The following TRPV3 variants were observed in gnomAD, a reference collection of about 807,000 sequenced individuals.
TRPV3 encodes the protein transient receptor potential cation channel subfamily V member 3.
TRPV3 carries 88 observed loss-of-function variants against 87.1 expected under a neutral mutation model. That is an observed-to-expected ratio of 1.01 (90% CI 0.85 to 1.21). The LOEUF (loss-of-function observed/expected upper bound fraction) is 1.21, where lower values mean the gene tolerates loss of function less well. TRPV3 is among the 50% of genes most tolerant of loss of function. The pLI is 0.00. For missense variants in TRPV3, 1,054 were observed against 1,030.1 expected (o/e 1.02, Z -0.32); for synonymous variants, 438 against 423.3 (o/e 1.03, Z -0.43).
chr17:3,550,496 CCTT>C (rs1426984949), intron 2 of TRPV3, among the ~76,000 whole-genome samples: 11 of 151,392 alleles, frequency 7.3e-5, no homozygotes, highest in East Asian at 3.9e-4. Flanking sequence ...CTCACCCACT[CCTT>C]CTCTCATTTT....
At chr17:3,515,324 C>G (rs141038518) in intron 16 of TRPV3, among the ~76,000 whole-genome samples, 14 of 152,198 alleles carry the variant, frequency 9.2e-5, no homozygotes, top group African/African-American at 2.9e-4. Context: ...TCTGTAGGCT[C>G]AGGCAGTTGG....
intron 16 of TRPV3, among the ~76,000 whole-genome samples, chr17:3,515,685 A>G (rs1179500989): frequency 4.1e-5 from 1 of 24,238 alleles, no homozygotes; most frequent in African/African-American, 1.4e-4. Flanking sequence ...TAGGATATGT[A>G]AGGACTTTAA....
rs553033141 is a variant in TRPV3, at chr17:3,524,982, G to A, written c.1578-619C>T. Among the ~76,000 whole-genome samples the A allele has an allele frequency of 5.6e-4, 85 of 152,146 alleles. No individual in the cohort carries two copies. In the Middle Eastern group the frequency reaches 0.01, roughly 18 times the overall value. On this transcript the variant is annotated intron_variant, in intron 12 of 17. Coordinates refer to ENST00000576742, the MANE Select transcript of TRPV3 (RefSeq NM_145068.4). ...TACTTAAAAGCCAATCATAGCAAAA[G>A]TCCCCCAAACCCTACTTTTTAAATC...
intron 6 of TRPV3, among the ~76,000 whole-genome samples, chr17:3,539,069 A>G (rs1360470081): frequency 6.6e-6 from 1 of 152,234 alleles, no homozygotes; most frequent in Non-Finnish European, 1.5e-5. Context: ...GCCAAGGTGC[A>G]GCCGCAATTG....
At chr17:3,536,588 C>CA (rs2074411445) in intron 6 of TRPV3, among the ~76,000 whole-genome samples, 3 of 151,740 alleles carry the variant, frequency 2.0e-5, no homozygotes, top group South Asian at 2.1e-4. Flanking sequence ...AACTCCATCT[C>CA]AAAAAACAAA....
chr17:3,519,748 T>TGGATG (rs1215133915), intron 14 of TRPV3, among the ~76,000 whole-genome samples: 51 of 44,658 alleles, frequency 1.1e-3, no homozygotes, highest in Non-Finnish European at 1.6e-3. Context: ...ATGGATGGAT[T>TGGATG]GATGGATGAA....
chr17:3,514,112 C>A lies in TRPV3; in HGVS notation c.2279-101G>T, dbSNP rs113602126. 5.8e-6 allele frequency: 6 copies of A among 1,031,094 alleles called. No homozygotes were observed. The African/African-American group carries it at 8.1e-5, about 14-fold the overall frequency. The allele number at this position is 1,031,094 out of a possible 1,614,324, so 63.9% of individuals were successfully genotyped here. ...TTCTTTTTTGAGATGGAGTTTCCCTCTTGTCACCCAGGCTGCAGTGCAGTG... is the reference window on the plus strand; with the variant it reads ...TTCTTTTTTGAGATGGAGTTTCCCTATTGTCACCCAGGCTGCAGTGCAGTG... On this transcript the variant is annotated intron_variant, in intron 17 of 17. Transcript: ENST00000576742.
chr17:3,536,455 G>T (rs911278987), intron 6 of TRPV3, among the ~76,000 whole-genome samples: 14 of 152,180 alleles, frequency 9.2e-5, no homozygotes, highest in African/African-American at 3.4e-4. Flanking sequence ...GGCCGTGGGG[G>T]CGCATGCCTG....
intron 1 of TRPV3, among the ~76,000 whole-genome samples, chr17:3,555,927 A>G (rs1487034669): frequency 6.6e-6 from 1 of 152,178 alleles, no homozygotes; most frequent in African/African-American, 2.4e-5. Context: ...CTGTAATCCC[A>G]GCACTTTGGG....
rs1316246218 is a variant in TRPV3, at chr17:3,557,165, C to T, written c.-3+511G>A. ...CTCTCTTGTTGCCCTGGCCCTCCCTCTCTCTCCCAATCCCTGACACTGATT... is the reference window on the plus strand; with the variant it reads ...CTCTCTTGTTGCCCTGGCCCTCCCTTTCTCTCCCAATCCCTGACACTGATT... On this transcript the variant is annotated intron_variant, in intron 1 of 17. Coordinates refer to ENST00000576742, the MANE Select transcript of TRPV3 (RefSeq NM_145068.4). This position sits in a 1 kb window ranked among gnomAD's most constrained non-coding sequence, Gnocchi z 4.5. 1.3e-5 allele frequency among the ~76,000 whole-genome samples: 2 copies of T among 152,152 alleles called. No homozygotes were observed. The highest frequency in any genetic ancestry group is 2.9e-5 in the Non-Finnish European group (2 of 68,004).
intron 6 of TRPV3, 69 bp downstream of exon 6, chr17:3,542,453 G>C (rs1249823224): frequency 6.5e-7 from 1 of 1,545,580 alleles, no homozygotes; most frequent in Non-Finnish European, 8.7e-7. Context: ...CTGGCCAGCA[G>C]TGGCCCTGTG....
chr17:3,527,809 G>A lies in TRPV3; in HGVS notation c.1503+216C>T, dbSNP rs2074312924. 8 of 569,474 alleles carry A rather than the reference G, an allele frequency of 1.4e-5. No individual in the cohort carries two copies. In the South Asian group the frequency reaches 1.6e-4, roughly 11 times the overall value. 35.3% of individuals were successfully genotyped at this position (569,474 alleles called of 1,614,324 possible). Reference sequence around the variant, plus strand: ...TGGCTGGGAAGGTAGATAAATGGCGGATAGTTGGGCAGATGGATAGAGAAG... The same window carrying A: ...TGGCTGGGAAGGTAGATAAATGGCGAATAGTTGGGCAGATGGATAGAGAAG... On this transcript the variant is annotated intron_variant, in intron 11 of 17. Transcript: ENST00000576742.
At chr17:3,524,124 C>G in intron 13 of TRPV3, 74 bp downstream of exon 13, 2 of 1,573,118 alleles carry the variant, frequency 1.3e-6, no homozygotes, top group Non-Finnish European at 1.7e-6. Flanking sequence ...CTCTTCCTCT[C>G]CAGATCTCAG....
chr17:3,532,346 C>G (rs1053272331), intron 8 of TRPV3, among the ~76,000 whole-genome samples: 6 of 152,270 alleles, frequency 3.9e-5, no homozygotes, highest in African/African-American at 1.4e-4. Flanking sequence ...GGGCCACCCA[C>G]TGCTGGGGCT....
At chr17:3,519,615 T>TGGATGGAC (rs1383159185) in intron 14 of TRPV3, among the ~76,000 whole-genome samples, 1 of 146,814 alleles carries the variant, frequency 6.8e-6, no homozygotes, top group African/African-American at 2.6e-5. Flanking sequence ...GATGGATGGA[T>TGGATGGAC]GGATGGATGG....
intron 2 of TRPV3, among the ~76,000 whole-genome samples, chr17:3,548,266 A>G (rs414921): frequency 0.7 from 107,185 of 152,104 alleles, 38,037 homozygotes; most frequent in Middle Eastern, 0.77. Context: ...GGGTAGCAGG[A>G]AAGGGACTGT....
chr17:3,516,075 A>G (rs796623226), intron 16 of TRPV3, among the ~76,000 whole-genome samples: 6 of 152,176 alleles, frequency 3.9e-5, no homozygotes, highest in African/African-American at 1.4e-4. Flanking sequence ...AGTCCCAGCT[A>G]CTCGGGAGGC....
intron 2 of TRPV3, among the ~76,000 whole-genome samples, chr17:3,547,043 G>A (rs1045061149): frequency 3.3e-5 from 5 of 152,062 alleles, no homozygotes; most frequent in Admixed American, 2.6e-4. Context: ...TCTACTGCGG[G>A]TGGCCTAACA....
chr17:3,538,094 A>T (rs2074424718), intron 6 of TRPV3, among the ~76,000 whole-genome samples: 3 of 151,648 alleles, frequency 2.0e-5, no homozygotes, highest in South Asian at 4.2e-4. Flanking sequence ...GCTACTCGGG[A>T]GGCTGAGGCA....
Sources: gnomAD v4.1 joint callset for allele counts (sites outside exome capture counted in the v4.1 genomes callset) on GRCh38, gnomAD v4.1.1 for gene constraint, Gnocchi (gnomAD v3.1) non-coding constraint, MANE v1.5 for transcripts, NCBI Gene and HGNC (gene_info 2026-07-23, HGNC 2026-07-21) for gene names.